The following EFR3B variants were observed in gnomAD, a reference collection of about 807,000 sequenced individuals.
EFR3B encodes the protein EFR3 homolog B.
Under a neutral mutation model 104.7 loss-of-function variants are expected in EFR3B, and 64 were observed. That is an observed-to-expected ratio of 0.61 (90% CI 0.50 to 0.75). The LOEUF (loss-of-function observed/expected upper bound fraction) is 0.75, where lower values mean the gene tolerates loss of function less well. EFR3B is among the 30% of genes least tolerant of loss of function. The pLI, the probability that EFR3B is intolerant of heterozygous loss-of-function variation, is 0.00. For synonymous variants in EFR3B, 385 were observed against 417.9 expected, an observed-to-expected ratio of 0.92 and a Z score of 0.96; for missense variants, 750 against 1,078.5, an observed-to-expected ratio of 0.70 and a Z score of 4.27.
Position 25,136,621 on chromosome 2 carries a change from C to T in EFR3B, c.1560+23C>T, listed in dbSNP as rs1670521632. The T allele has an allele frequency of 1.3e-6, 2 of 1,547,452 alleles. No individual in the cohort carries two copies. The highest frequency in any genetic ancestry group is 1.7e-6 in the Non-Finnish European group (2 of 1,143,806). ...AAGGTAAACAAGCATGACCTCCAGGCACAGTGAAGGGCGGGCACGGTGGCT... is the reference window on the plus strand; with the variant it reads ...AAGGTAAACAAGCATGACCTCCAGGTACAGTGAAGGGCGGGCACGGTGGCT... On this transcript the variant is annotated intron_variant, in intron 14 of 22. Coordinates refer to ENST00000403714, the MANE Select transcript of EFR3B (RefSeq NM_014971.2). This position sits in a 1 kb window ranked among gnomAD's most constrained non-coding sequence, Gnocchi z 4.0.
intron 5 of EFR3B, among the ~76,000 whole-genome samples, chr2:25,124,499 G>T (rs891160593): frequency 8.6e-5 from 13 of 151,936 alleles, no homozygotes; most frequent in Non-Finnish European, 1.8e-4. Context: ...GGCCGAGCGG[G>T]GCGGATCACA....
chr2:25,127,037 C>T (rs1006879495), intron 5 of EFR3B, among the ~76,000 whole-genome samples: 7 of 151,098 alleles, frequency 4.6e-5, no homozygotes, highest in African/African-American at 1.7e-4. Flanking sequence ...ACTAAAAATA[C>T]AAAAATTAGC....
At position 25,131,924 on chromosome 2, in the gene EFR3B, GC is replaced by G. The variant is rs755610847; in HGVS notation, c.1147+15del. 1.0e-5 allele frequency: 15 copies of G among 1,485,892 alleles called. No individual in the cohort carries two copies. Among genetic ancestry groups the G allele is most frequent in the African/African-American group, 4.2e-5 (3 of 70,870 alleles). The allele number at this position is 1,485,892 out of a possible 1,614,324, so 92.0% of individuals were successfully genotyped here. A position where few individuals can be genotyped will look rare whatever the true frequency, so the allele number is the denominator to read the frequency against. ...ATCAAGACCGTGGGTGCGGCGCGGGGCCGGGCCGGGGCGGGGCGGGGCCGAG... is the reference window on the plus strand; with the variant it reads ...ATCAAGACCGTGGGTGCGGCGCGGGGCGGGCCGGGGCGGGGCGGGGCCGAG... On this transcript the variant is annotated intron_variant, in intron 10 of 22. Transcript: ENST00000403714. This position sits in a 1 kb window ranked among gnomAD's most constrained non-coding sequence, Gnocchi z 7.6.
intron 4 of EFR3B, among the ~76,000 whole-genome samples, chr2:25,121,143 C>A (rs576834228): frequency 2.0e-5 from 3 of 152,288 alleles, no homozygotes; most frequent in African/African-American, 7.2e-5. Flanking sequence ...CTCAAATGAT[C>A]CACCTGCCTC....
At chr2:25,143,481 A>C (rs1670731120) in intron 17 of EFR3B, among the ~76,000 whole-genome samples, 1 of 152,050 alleles carries the variant, frequency 6.6e-6, no homozygotes, top group African/African-American at 2.4e-5. Context: ...CAACATGATG[A>C]AACTCCGTCT....
intron 4 of EFR3B, among the ~76,000 whole-genome samples, chr2:25,109,461 T>C (rs1259913013): frequency 6.6e-6 from 1 of 152,246 alleles, no homozygotes; most frequent in African/African-American, 2.4e-5. Context: ...GAAAATAGTT[T>C]GGTGCTTCCT....
Position 25,121,964 on chromosome 2 carries a change from GT to G in EFR3B, c.485+184del, listed in dbSNP as rs143584289. On this transcript the variant is annotated intron_variant, in intron 5 of 22. Coordinates refer to ENST00000403714, the MANE Select transcript of EFR3B (RefSeq NM_014971.2). Reference sequence around the variant, plus strand: ...ACCCAGCTCCCTACATGTGGTTTCTGTTTTTTTTTTTTTTCTTTTTGAGACC... The same window carrying G: ...ACCCAGCTCCCTACATGTGGTTTCTGTTTTTTTTTTTTTCTTTTTGAGACC... Among the ~76,000 whole-genome samples, 572 of 141,826 alleles carry G rather than the reference GT, an allele frequency of 4.0e-3. 2 individuals carry two copies. Among genetic ancestry groups the G allele is most frequent in the African/African-American group, 0.013 (488 of 38,966 alleles). 93.0% of individuals were successfully genotyped at this position (141,826 alleles called of 152,430 possible).
intron 21 of EFR3B, among the ~76,000 whole-genome samples, chr2:25,152,611 T>C (rs970335227): frequency 5.3e-5 from 8 of 152,070 alleles, no homozygotes; most frequent in Admixed American, 4.6e-4. Flanking sequence ...CAGCTGGACA[T>C]GTAGAAATGA....
chr2:25,081,204 G>C (rs1668793376), intron 1 of EFR3B: 1 of 812,978 alleles, frequency 1.2e-6, no homozygotes, highest in African/African-American at 1.7e-5. Flanking sequence ...CATTTCTGAG[G>C]AAACAGCTTT....
chr2:25,101,024 G>A (rs948729299), intron 3 of EFR3B, among the ~76,000 whole-genome samples: 1 of 152,166 alleles, frequency 6.6e-6, no homozygotes, highest in African/African-American at 2.4e-5. Context: ...ACCTTTATTT[G>A]TGCCATCAGG....
chr2:25,080,003 A>C, intron 1 of EFR3B: 1 of 984,644 alleles, frequency 1.0e-6, no homozygotes, highest in South Asian at 1.3e-5. Context: ...CCAAGTCGTC[A>C]CAAGCAAGAA....
In EFR3B at chr2:25,103,642, T is replaced by C; in HGVS notation, c.218T>C (p.Val73Ala). The C allele has an allele frequency of 6.5e-7, 1 of 1,550,198 alleles. No homozygotes were observed. The highest frequency in any genetic ancestry group is 8.7e-7 in the Non-Finnish European group (1 of 1,145,910). Reference protein sequence around the residue: ...RDVGRHRYGYVCIAMEALDQL... With the variant: ...RDVGRHRYGYACIAMEALDQL... ...GCATGTGCTGCCCTCCCCAGGTACGTGTGCATTGCTATGGAGGCTTTGGAC... is the reference window on the plus strand; with the variant it reads ...GCATGTGCTGCCCTCCCCAGGTACGCGTGCATTGCTATGGAGGCTTTGGAC... Residue 73 changes from valine (V) to alanine (A), a missense_variant, in exon 4 of 23, where the codon GTG (valine) becomes GCG (alanine). Val to Ala is a moderately conservative substitution (Grantham distance 64). Transcript: ENST00000403714.
intron 1 of EFR3B, among the ~76,000 whole-genome samples, chr2:25,057,572 G>A (rs906788682): frequency 6.6e-5 from 10 of 152,004 alleles, no homozygotes; most frequent in East Asian, 3.9e-4. Flanking sequence ...ACCTGAGGTC[G>A]GGAGTTCGAG....
At chr2:25,107,372 A>G (rs570801403) in intron 4 of EFR3B, among the ~76,000 whole-genome samples, 2 of 152,204 alleles carry the variant, frequency 1.3e-5, no homozygotes, top group African/African-American at 2.4e-5. Context: ...GCATAGCACA[A>G]ATCTCCCCTC....
At chr2:25,142,667 G>A (rs1003966673) in intron 17 of EFR3B, among the ~76,000 whole-genome samples, 6 of 149,662 alleles carry the variant, frequency 4.0e-5, no homozygotes, top group Non-Finnish European at 5.9e-5. Flanking sequence ...GCTGAGGCAG[G>A]AGAATCCCTT....
At chr2:25,103,156 A>G (rs904305731) in intron 3 of EFR3B, among the ~76,000 whole-genome samples, 6 of 152,196 alleles carry the variant, frequency 3.9e-5, no homozygotes, top group African/African-American at 1.2e-4. Context: ...AGGAATATCT[A>G]TGTATTTATC....
At chr2:25,074,214 C>T (rs1668572047) in intron 1 of EFR3B, among the ~76,000 whole-genome samples, 1 of 152,152 alleles carries the variant, frequency 6.6e-6, no homozygotes, top group Non-Finnish European at 1.5e-5. Context: ...TCTTGTGCCT[C>T]CATGGCCCAT....
At chr2:25,084,394 G>A (rs1003402629) in intron 1 of EFR3B, among the ~76,000 whole-genome samples, 9 of 152,008 alleles carry the variant, frequency 5.9e-5, no homozygotes, top group East Asian at 5.8e-4. Context: ...GCGCTGCCAC[G>A]CCCTGCTAAT....
At chr2:25,142,019 G>T (rs1670680731) in intron 17 of EFR3B, among the ~76,000 whole-genome samples, 2 of 152,308 alleles carry the variant, frequency 1.3e-5, no homozygotes, top group East Asian at 3.9e-4. Context: ...ACGGGACTAA[G>T]CTGGGTGCGG....
Sources: allele counts gnomAD v4.1 joint callset (sites outside exome capture counted in the v4.1 genomes callset), GRCh38; gene constraint gnomAD v4.1.1; non-coding constraint Gnocchi (gnomAD v3.1); transcripts MANE v1.5; gene names NCBI Gene and HGNC (gene_info 2026-07-23, HGNC 2026-07-21).